TLK2: variants seen among roughly 807,000 people sequenced by gnomAD.
TLK2 encodes the protein tousled like kinase 2.
A neutral mutation model predicts 117.3 loss-of-function variants in TLK2; 6 were observed. The ratio of observed to expected loss-of-function variants is 0.05; its 90% confidence interval spans 0.03 to 0.10. TLK2 has a LOEUF of 0.10. Among genes scored for constraint, TLK2 ranks in the 10% least tolerant of loss-of-function variants. TLK2 has a pLI of 1.00. For synonymous variants in TLK2, 257 were observed against 316.7 expected (o/e 0.81, Z 2.00); for missense variants, 299 against 901.2 (o/e 0.33, Z 8.56).
chr17:62,494,919 A>T (rs1048200402), intron 2 of TLK2, among the ~76,000 whole-genome samples: 11 of 152,064 alleles, frequency 7.2e-5, no homozygotes, highest in Non-Finnish European at 1.5e-4. Flanking sequence ...TCATCCTAGC[A>T]CTTTGGGAGA....
upstream of TLK2, chr17:62,477,385 G>A (rs1467412148): frequency 1.3e-5 from 2 of 152,202 alleles, no homozygotes; most frequent in Admixed American, 6.6e-5. Context: ...TCTGGAGTAA[G>A]ATGACTCTTG....
At chr17:62,573,477 CCTT>C (rs1329306438) in intron 12 of TLK2, 110 bp downstream of exon 12, 14 of 1,414,820 alleles carry the variant, frequency 9.9e-6, no homozygotes, top group African/African-American at 1.4e-5. Context: ...CAGGTTTAAA[CCTT>C]CTTTTCAGTT....
chr17:62,503,068 T>C (rs2074344194), intron 2 of TLK2, among the ~76,000 whole-genome samples: 8 of 146,180 alleles, frequency 5.5e-5, no homozygotes, highest in Admixed American at 5.5e-4. Flanking sequence ...TTTTTTTTTT[T>C]TTTTTTTTTG....
intron 7 of TLK2, among the ~76,000 whole-genome samples, chr17:62,546,135 G>T (rs1291441835): frequency 6.6e-6 from 1 of 151,894 alleles, no homozygotes; most frequent in African/African-American, 2.4e-5. Flanking sequence ...GCCCGCCTTG[G>T]CCTCCCAGAA....
At chr17:62,538,966 G>A (rs1249422734) in intron 7 of TLK2, among the ~76,000 whole-genome samples, 1 of 152,198 alleles carries the variant, frequency 6.6e-6, no homozygotes, top group Non-Finnish European at 1.5e-5. Context: ...ATGAAATAAT[G>A]CTCAATTTTG....
Position 62,596,672 on chromosome 17 carries a change from C to T in TLK2, c.1548C>T (p.Asp516=), listed in dbSNP as rs1464120832. 1 of 1,612,890 alleles carries T rather than the reference C, an allele frequency of 6.2e-7. No homozygotes were observed. The highest frequency in any genetic ancestry group is 2.2e-5 in the East Asian group (1 of 44,868). Residue 516 remains aspartate, a splice_region_variant and synonymous_variant, in exon 17 of 22, where the codon GAC becomes GAT. Transcript: ENST00000346027. ...ATGATTACTTTTCACTGGATACTGA[C>T]TCGTAAGTGCTGTGCTGTTTTACCT... ...KLYDYFSLDT[D]SFCTVLEYCE... is the part of the protein sequence containing the mutation.
At chr17:62,493,160 T>C (rs2073287464) in intron 2 of TLK2, among the ~76,000 whole-genome samples, 1 of 152,170 alleles carries the variant, frequency 6.6e-6, no homozygotes, top group African/African-American at 2.4e-5. Flanking sequence ...GCAACTATCA[T>C]TCTGTTTTTC....
At chr17:62,606,565 C>T (rs539989912) in intron 20 of TLK2, among the ~76,000 whole-genome samples, 1 of 152,270 alleles carries the variant, frequency 6.6e-6, no homozygotes, top group South Asian at 2.1e-4. Flanking sequence ...TTAAAGTATA[C>T]AATCTTCCCA....
intron 6 of TLK2, among the ~76,000 whole-genome samples, chr17:62,534,357 G>A (rs781256289): frequency 3.9e-5 from 6 of 152,114 alleles, no homozygotes; most frequent in Non-Finnish European, 8.8e-5. Context: ...CTGAACCCAG[G>A]AACATGATAT....
rs1483988623 is a variant in TLK2, at chr17:62,606,163, A to G, written c.1893A>G (p.Lys631=). The G allele has an allele frequency of 7.5e-6, 12 of 1,590,552 alleles. No homozygotes were observed. Among genetic ancestry groups the G allele is most frequent in the East Asian group, 6.7e-5 (3 of 44,574 alleles). Residue 631 remains lysine, a synonymous_variant, in exon 20 of 22, where the codon AAA becomes AAG. Transcript: ENST00000346027. The part of the protein sequence containing the change: ...YLPPECFVVG[K]EPPKISNKVD... ...CACCAGAGTGTTTTGTGGTTGGGAAAGAACCACCAAAGATCTCAAATAAAG... is the reference window on the plus strand; with the variant it reads ...CACCAGAGTGTTTTGTGGTTGGGAAGGAACCACCAAAGATCTCAAATAAAG...
In TLK2 at chr17:62,560,120, A is replaced by C. The variant is rs1188771185; in HGVS notation, c.825A>C (p.Ile275=). 1.9e-6 allele frequency: 3 copies of C among 1,604,656 alleles called. No homozygotes were observed. Among genetic ancestry groups the C allele is most frequent in the African/African-American group, 2.7e-5 (2 of 74,658 alleles). ...TGACAATGAGCAAGAAACTCCTTAT[A>C]GAAAAGGTTAGTGAATAATGTTGGT... ...RCVTMSKKLL[I]EKSKQEKMAC... Residue 275 remains isoleucine (I), a synonymous_variant, in exon 10 of 22, where the codon ATA becomes ATC. Coordinates refer to ENST00000346027, the MANE Select transcript of TLK2 (RefSeq NM_006852.6).
intron 2 of TLK2, among the ~76,000 whole-genome samples, chr17:62,513,789 A>C (rs553540746): frequency 1.4e-3 from 208 of 152,158 alleles, no homozygotes; most frequent in African/African-American, 4.8e-3. Context: ...CCTGGGTTCA[A>C]GAAGTTCTCT....
At chr17:62,487,915 G>A (rs375510746) in intron 2 of TLK2, among the ~76,000 whole-genome samples, 7 of 149,872 alleles carry the variant, frequency 4.7e-5, no homozygotes, top group South Asian at 2.1e-4. Flanking sequence ...GAGCCAGTGC[G>A]CCCGGCGGCA....
intron 2 of TLK2, among the ~76,000 whole-genome samples, chr17:62,481,713 T>TA (rs2071670329): frequency 6.6e-6 from 1 of 152,162 alleles, no homozygotes; most frequent in Non-Finnish European, 1.5e-5. Flanking sequence ...AGGAGCATAA[T>TA]ATTAGATTAG....
chr17:62,600,545 A>G (rs2147163364), intron 17 of TLK2, 106 bp from the exon 18 acceptor site: 1 of 880,388 alleles, frequency 1.1e-6, no homozygotes, highest in Admixed American at 3.3e-5. Context: ...CAAAGAAGAA[A>G]GGAGTGAGAA....
chr17:62,506,846 A>G (rs2074734144), intron 2 of TLK2, among the ~76,000 whole-genome samples: 1 of 152,214 alleles, frequency 6.6e-6, no homozygotes, highest in Non-Finnish European at 1.5e-5. Context: ...TAGTAGTTGC[A>G]TATGGCTAGT....
chr17:62,525,049 A>G (rs1192848959), intron 6 of TLK2, among the ~76,000 whole-genome samples: 2 of 152,110 alleles, frequency 1.3e-5, no homozygotes, highest in Non-Finnish European at 2.9e-5. Flanking sequence ...CTAACATAGG[A>G]TTATGTTTAT....
intron 14 of TLK2, 112 bp downstream of exon 14, chr17:62,578,686 G>T: frequency 2.6e-6 from 2 of 779,826 alleles, no homozygotes; most frequent in East Asian, 2.7e-5. Context: ...ATGATTCCAT[G>T]GTGTATTTAG....
intron 10 of TLK2, among the ~76,000 whole-genome samples, chr17:62,562,633 C>G (rs181009980): frequency 5.3e-5 from 8 of 152,144 alleles, no homozygotes; most frequent in African/African-American, 1.9e-4. Context: ...AGTAGAATGA[C>G]TAGAAATAAA....
Sources: allele counts gnomAD v4.1 joint callset (sites outside exome capture counted in the v4.1 genomes callset), GRCh38; gene constraint gnomAD v4.1.1; transcripts MANE v1.5; gene names NCBI Gene and HGNC (gene_info 2026-07-23, HGNC 2026-07-21).